The following SAFB variants were observed in gnomAD, a reference collection of about 807,000 sequenced individuals.
SAFB encodes the protein scaffold attachment factor B, also known as scaffold attachment factor B1.
In SAFB, 15 loss-of-function variants were observed where a neutral mutation model predicts 101.6. That is an observed-to-expected ratio of 0.15 (90% CI 0.10 to 0.23). The LOEUF is 0.23. Among genes scored for constraint, SAFB ranks in the 10% least tolerant of loss-of-function variants. The pLI is 1.00. For synonymous variants in SAFB, 449 were observed against 407.5 expected (o/e 1.10, Z -1.23); for missense variants, 930 against 1,104.1 (o/e 0.84, Z 2.23).
rs201484593 is a variant in SAFB at position 5,631,189 on chromosome 19, C to CA, written c.274+4709dup. On this transcript the variant is annotated intron_variant, in intron 2 of 20. Coordinates refer to ENST00000588852, the MANE Select transcript of SAFB (RefSeq NM_001201338.2). ...TGGGCAACAGTGCAAGACTGTGTCT[C>CA]AAAAAAAAAGAAAAGAAACATTTGT... Among the ~76,000 whole-genome samples the CA allele has an allele frequency of 5.6e-3, 843 of 150,882 alleles. 2 individuals carry two copies. The highest frequency in any genetic ancestry group is 0.02 in the African/African-American group (808 of 41,142).
chr19:5,664,447 TGAAGCTACAGTG>T lies in SAFB; in HGVS notation c.2334+10_2334+21del, dbSNP rs1196911110. ...GGAGAACGAGAAGGACAGGTAAGTC[TGAAGCTACAGTG>T]GTAGCCACAGAATTTCCCATAGAAT... On this transcript the variant is annotated intron_variant, in intron 17 of 20. Coordinates refer to ENST00000588852, the MANE Select transcript of SAFB (RefSeq NM_001201338.2). The T allele has an allele frequency of 6.2e-7, 1 of 1,610,202 alleles. No individual in the cohort carries two copies. The highest frequency in any genetic ancestry group is 2.2e-5 in the East Asian group (1 of 44,876).
chr19:5,628,120 G>A (rs10426671), intron 2 of SAFB, among the ~76,000 whole-genome samples: 2,584 of 152,060 alleles, frequency 0.017, 65 homozygotes, highest in African/African-American at 0.059. Flanking sequence ...GTGTGGTGGC[G>A]GGCTCCTGTA....
At chr19:5,662,909 T>G (rs2054247938) in intron 15 of SAFB, among the ~76,000 whole-genome samples, 1 of 151,980 alleles carries the variant, frequency 6.6e-6, no homozygotes, top group Non-Finnish European at 1.5e-5. Context: ...CCCAAAGTGC[T>G]GGGATTACAG....
rs964058147 is a variant in SAFB at position 5,667,424 on chromosome 19, T to C, written c.2531T>C (p.Met844Thr). Residue 844 changes from methionine (M) to threonine (T), a missense_variant, in exon 19 of 21, where the codon ATG becomes ACG. This residue lies in a region of SAFB where 318 missense variants were observed against 342.6 expected (regional missense o/e 0.93). Transcript: ENST00000588852. The surrounding 1 kb of genome is among the most constrained non-coding windows in gnomAD (Gnocchi z 4.0). Reference sequence around the variant, plus strand: ...CAGGGCACGGCCGACGGGGGCATGATGGACAGGGATCACAAGAGGTGGCAA... The same window carrying C: ...CAGGGCACGGCCGACGGGGGCATGACGGACAGGGATCACAAGAGGTGGCAA... The part of the protein sequence containing the change: ...SWQGTADGGM[M>T]DRDHKRWQGG... 1 of 1,518,612 alleles carries C rather than the reference T, an allele frequency of 6.6e-7. No individual in the cohort carries two copies. Among genetic ancestry groups the C allele is most frequent in the African/African-American group, 1.4e-5 (1 of 70,566 alleles). The allele number at this position is 1,518,612 out of a possible 1,614,324, so 94.1% of individuals were successfully genotyped here.
At chr19:5,654,248 G>A in intron 12 of SAFB, 48 bp downstream of exon 12, 1 of 1,609,886 alleles carries the variant, frequency 6.2e-7, no homozygotes, top group South Asian at 1.1e-5. Flanking sequence ...TCTGTGCCTA[G>A]TGGAGTTTGT....
In SAFB at chr19:5,661,666, C is replaced by T. The variant is rs757357166; in HGVS notation, c.2011C>T (p.Arg671Cys). ...GCGCATGGAGCGGGAACGGCTGGAG[C>T]GCGAACGCATGCACGTGGAGCACGA... ...RERMERERLE[R>C]ERMHVEHERR... The change falls in exon 15 of 21, where the codon CGC becomes TGC. Residue 671 changes from arginine to cysteine, a missense_variant. By Grantham distance (180) the Arg-to-Cys change is radical (BLOSUM62 -3). Coordinates refer to ENST00000588852, the MANE Select transcript of SAFB (RefSeq NM_001201338.2). 4 of 1,611,118 alleles carry T rather than the reference C, an allele frequency of 2.5e-6. No homozygotes were observed. The African/African-American group carries it at 4.0e-5, about 16-fold the overall frequency.
chr19:5,652,049 C>G (rs74174333), intron 9 of SAFB, among the ~76,000 whole-genome samples: 1 of 152,004 alleles, frequency 6.6e-6, no homozygotes. Flanking sequence ...AGAAATTAGC[C>G]GGGCGTGGTG....
At chr19:5,649,744 A>G (rs1277543160) in intron 7 of SAFB, 182 bp from the exon 8 acceptor site, 24 of 788,872 alleles carry the variant, frequency 3.0e-5, no homozygotes, top group Non-Finnish European at 4.5e-5. Flanking sequence ...AGCAGAATTA[A>G]TTAACTCCTG....
At chr19:5,661,179 C>T (rs1392796747) in intron 14 of SAFB, among the ~76,000 whole-genome samples, 1 of 152,064 alleles carries the variant, frequency 6.6e-6, no homozygotes, top group Non-Finnish European at 1.5e-5. Flanking sequence ...CCTCAGCCTC[C>T]CAAAGTGCTG....
In SAFB at chr19:5,667,880, T is replaced by C. The variant is rs1258125145; in HGVS notation, c.2618T>C (p.Met873Thr). ...GGCCACATGATGAACCGAGGAGGAA[T>C]GTCAGGGTAAGGCATGCTGGGGGCG... ...GPGHMMNRGGMSGRGSFAPGG... is the reference protein window; with the variant it reads ...GPGHMMNRGGTSGRGSFAPGG... The change falls in exon 20 of 21, where the codon ATG becomes ACG. Residue 873 changes from methionine to threonine, a missense_variant. Transcript: ENST00000588852. This position sits in a 1 kb window ranked among gnomAD's most constrained non-coding sequence, Gnocchi z 4.0. The C allele has an allele frequency of 6.2e-7, 1 of 1,608,098 alleles. No homozygotes were observed. The highest frequency in any genetic ancestry group is 8.5e-7 in the Non-Finnish European group (1 of 1,177,250).
rs377098368 is a variant in SAFB at position 5,667,807 on chromosome 19, G to T, written c.2558-13G>T. 3.7e-5 allele frequency: 60 copies of T among 1,613,878 alleles called. No homozygotes were observed. In the African/African-American group the frequency reaches 4.9e-4, roughly 13 times the overall value. ...GCGCAAGTTCCCTGTGTGAAAGCAC[G>T]TCTGTCTTCCAGGTGGCGAGAGAAG... On this transcript the variant is annotated splice_polypyrimidine_tract_variant and intron_variant, in intron 19 of 20. Coordinates refer to ENST00000588852, the MANE Select transcript of SAFB (RefSeq NM_001201338.2). This position sits in a 1 kb window ranked among gnomAD's most constrained non-coding sequence, Gnocchi z 4.0.
At position 5,623,183 on chromosome 19, in the gene SAFB, G is replaced by C; in HGVS notation, c.-23G>C. ...ACCGGCCCGGTTCTGTGGAAAGTGG[G>C]CGGCGGAGCCAGGGTCCCTGGAATG... On this transcript the variant is annotated 5_prime_UTR_variant, in exon 1 of 21. Transcript: ENST00000588852. 1 of 1,559,738 alleles carries C rather than the reference G, an allele frequency of 6.4e-7. No individual in the cohort carries two copies. The highest frequency in any genetic ancestry group is 2.4e-5 in the East Asian group (1 of 41,336).
chr19:5,636,371 T>C (rs1194565002), intron 2 of SAFB, among the ~76,000 whole-genome samples: 4 of 152,082 alleles, frequency 2.6e-5, no homozygotes, highest in Admixed American at 6.6e-5. Flanking sequence ...TGGTATCTCT[T>C]CCCAGCATGT....
rs189626633 is a variant in SAFB, at chr19:5,646,334, A to G, written c.609+935A>G. Among the ~76,000 whole-genome samples, 54 of 152,356 alleles carry G rather than the reference A, an allele frequency of 3.5e-4. 2 individuals are homozygous for G. The East Asian group carries it at 0.01, about 28-fold the overall frequency. ...CCTTGAGGAGGGCACAAATCTCAAG[A>G]AAACGTGGTGAAACCCAGTTCGCTT... On this transcript the variant is annotated intron_variant, in intron 5 of 20. Transcript: ENST00000588852.
intron 2 of SAFB, among the ~76,000 whole-genome samples, chr19:5,640,692 C>T (rs1417417110): frequency 2.0e-5 from 3 of 151,866 alleles, no homozygotes; most frequent in African/African-American, 7.3e-5. Context: ...AGAGTTCAAG[C>T]GATTTTCCTG....
rs765721253 is a variant in SAFB at position 5,653,438 on chromosome 19, C to A, written c.1526+18C>A. 8.1e-6 allele frequency: 13 copies of A among 1,608,888 alleles called. No individual in the cohort carries two copies. Among genetic ancestry groups the A allele is most frequent in the Non-Finnish European group, 1.0e-5 (12 of 1,176,018 alleles). On this transcript the variant is annotated intron_variant, in intron 11 of 20. Transcript: ENST00000588852. Reference sequence around the variant, plus strand: ...AGTGACAGGTACCCCTCCTTCCTGGCTAAATTAAAGGGGCAGGGTGTTTTT... The same window carrying A: ...AGTGACAGGTACCCCTCCTTCCTGGATAAATTAAAGGGGCAGGGTGTTTTT...
At chr19:5,663,072 A>G (rs2054251410) in intron 15 of SAFB, among the ~76,000 whole-genome samples, 4 of 151,328 alleles carry the variant, frequency 2.6e-5, no homozygotes. Context: ...GCGTGATCTC[A>G]GCTCACTGCA....
intron 17 of SAFB, 79 bp downstream of exon 17, chr19:5,664,518 C>A: frequency 8.9e-7 from 1 of 1,119,900 alleles, no homozygotes; most frequent in Non-Finnish European, 1.4e-6. Context: ...CTTCTTCCTG[C>A]CCTTTCTTTG....
Position 5,640,525 on chromosome 19 carries a change from C to G in SAFB, c.275-1069C>G, listed in dbSNP as rs180684424. Among the ~76,000 whole-genome samples the G allele has an allele frequency of 8.0e-4, 121 of 151,756 alleles. 1 individual carries two copies. Among genetic ancestry groups the G allele is most frequent in the African/African-American group, 2.9e-3 (119 of 41,374 alleles). On this transcript the variant is annotated intron_variant, in intron 2 of 20. Transcript: ENST00000588852. ...GGACTACAAGTGCACGAGATTGGCA[C>G]TTTTTAATTCGCTGTTGATGGAAAT...
Sources: allele counts gnomAD v4.1 joint callset (sites outside exome capture counted in the v4.1 genomes callset), GRCh38; gene constraint gnomAD v4.1.1; regional missense constraint gnomAD v4.1.1; non-coding constraint Gnocchi (gnomAD v3.1); transcripts MANE v1.5; gene names NCBI Gene and HGNC (gene_info 2026-07-23, HGNC 2026-07-21).